The following FMN1 variants were observed in gnomAD, a reference collection of about 807,000 sequenced individuals.
The protein encoded by FMN1 is formin-1.
Under a neutral mutation model 132.4 loss-of-function variants are expected in FMN1, and 110 were observed. That is an observed-to-expected ratio of 0.83 (90% CI 0.71 to 0.97). The LOEUF is 0.97. FMN1 is among the 50% of genes least tolerant of loss of function. The probability of loss-of-function intolerance (pLI) is 0.00; values close to 1 mark genes in which losing one functional copy is unlikely to be tolerated. For missense variants in FMN1, 1,792 were observed against 1,705.3 expected (o/e 1.05, Z -0.90); for synonymous variants, 722 against 651.7 (o/e 1.11, Z -1.64).
intron 4 of FMN1, among the ~76,000 whole-genome samples, chr15:33,122,391 A>C (rs16965264): frequency 6.6e-6 from 1 of 152,212 alleles, no homozygotes; most frequent in Non-Finnish European, 1.5e-5. Flanking sequence ...CAAAAAGTAC[A>C]TGCCTGGTGG....
intron 6 of FMN1, among the ~76,000 whole-genome samples, chr15:33,046,340 G>A (rs2036683496): frequency 6.6e-6 from 1 of 152,156 alleles, no homozygotes; most frequent in Non-Finnish European, 1.5e-5. Context: ...AAGTGCATTT[G>A]AAAATGAGGG....
At chr15:32,897,316 A>G (rs2060183915) in intron 15 of FMN1, among the ~76,000 whole-genome samples, 1 of 152,240 alleles carries the variant, frequency 6.6e-6, no homozygotes, top group South Asian at 2.1e-4. Flanking sequence ...TTTCAGTAAA[A>G]TTACGTGAAT....
At chr15:32,936,436 G>A (rs1165785402) in intron 9 of FMN1, among the ~76,000 whole-genome samples, 2 of 152,166 alleles carry the variant, frequency 1.3e-5, no homozygotes, top group African/African-American at 2.4e-5. Context: ...CTGGACTTAC[G>A]TATGTGAATT....
chr15:32,913,025 T>C (rs2060601618), intron 10 of FMN1, among the ~76,000 whole-genome samples: 2 of 152,076 alleles, frequency 1.3e-5, no homozygotes, highest in African/African-American at 4.8e-5. Flanking sequence ...CTGGAAAGAG[T>C]TAGAGAAAGA....
chr15:32,794,519 T>C (rs2057210794), intron 19 of FMN1, among the ~76,000 whole-genome samples: 1 of 151,794 alleles, frequency 6.6e-6, no homozygotes, highest in South Asian at 2.1e-4. Context: ...TCCTAAATGG[T>C]GGAATGTTTT....
rs142819783 is a variant in FMN1, at chr15:32,910,153, C to T, written c.3288+321G>A. Among the ~76,000 whole-genome samples the T allele has an allele frequency of 1.3e-3, 203 of 152,308 alleles. 1 individual carries two copies. Among genetic ancestry groups the T allele is most frequent in the African/African-American group, 4.5e-3 (185 of 41,572 alleles). ...TTCTTCAGAAGTAGACACCAGTGCA[C>T]GCTATCATTTCAGTAGGCAGCTTAC... is the stretch of plus-strand genomic sequence containing the variant. On this transcript the variant is annotated intron_variant, in intron 11 of 20. Transcript: ENST00000616417.
intron 5 of FMN1, among the ~76,000 whole-genome samples, chr15:33,065,762 AT>A (rs2037696099): frequency 6.6e-6 from 1 of 152,192 alleles, no homozygotes; most frequent in African/African-American, 2.4e-5. Flanking sequence ...AAGAAATTCT[AT>A]TTATTGTTCT....
At chr15:33,112,951 G>A (rs1332364715) in intron 4 of FMN1, among the ~76,000 whole-genome samples, 1 of 152,184 alleles carries the variant, frequency 6.6e-6, no homozygotes, top group Non-Finnish European at 1.5e-5. Flanking sequence ...AAAGGGGAAG[G>A]CAGGGAAAGT....
At chr15:32,950,230 T>C (rs1174232121) in intron 9 of FMN1, among the ~76,000 whole-genome samples, 1 of 150,982 alleles carries the variant, frequency 6.6e-6, no homozygotes, top group African/African-American at 2.4e-5. Context: ...GCTTTTACAC[T>C]GTTGGTGGGA....
chr15:33,085,851 T>C (rs1013511098), intron 5 of FMN1, among the ~76,000 whole-genome samples: 3 of 152,168 alleles, frequency 2.0e-5, no homozygotes, highest in Non-Finnish European at 4.4e-5. Context: ...AGAGAAATAA[T>C]TAAATAAATT....
intron 4 of FMN1, among the ~76,000 whole-genome samples, chr15:33,114,562 C>T (rs1374748327): frequency 1.3e-5 from 2 of 152,138 alleles, no homozygotes; most frequent in African/African-American, 4.8e-5. Context: ...GTTTGTGTAC[C>T]CAAGAACACC....
chr15:32,842,403 C>T (rs2058764164), intron 17 of FMN1, among the ~76,000 whole-genome samples: 1 of 152,146 alleles, frequency 6.6e-6, no homozygotes, highest in Non-Finnish European at 1.5e-5. Flanking sequence ...AAGAACTAGC[C>T]AGTTAAGTCT....
At chr15:32,875,993 A>G (rs983239956) in intron 16 of FMN1, among the ~76,000 whole-genome samples, 4 of 152,018 alleles carry the variant, frequency 2.6e-5, no homozygotes, top group Admixed American at 6.5e-5. Flanking sequence ...TGCCCTACTC[A>G]CTTGGGAGGA....
chr15:33,067,959 T>A, intron 5 of FMN1: 1 of 1,515,852 alleles, frequency 6.6e-7, no homozygotes, highest in Non-Finnish European at 8.7e-7. Flanking sequence ...CCACTCCATC[T>A]GCTCTTAATT....
chr15:33,076,563 T>G (rs998634237), intron 5 of FMN1, among the ~76,000 whole-genome samples: 2 of 152,182 alleles, frequency 1.3e-5, no homozygotes, highest in Non-Finnish European at 2.9e-5. Flanking sequence ...GGAGCATGCA[T>G]GCTGTTCCAA....
rs113101596 is a variant in FMN1, at chr15:32,983,145, C to T, written c.2224-13668G>A. Among the ~76,000 whole-genome samples, 1,039 of 152,112 alleles carry T rather than the reference C, an allele frequency of 6.8e-3. 8 individuals are homozygous for T. Among genetic ancestry groups the T allele is most frequent in the African/African-American group, 0.021 (870 of 41,498 alleles). On this transcript the variant is annotated intron_variant, in intron 7 of 20. Coordinates refer to ENST00000616417, the MANE Select transcript of FMN1 (RefSeq NM_001277313.2). ...TTCAACTGGTGAAAAAATAAAACTGCGGAAAGTGCACCAAGTAGAATCCTA... is the reference window on the plus strand; with the variant it reads ...TTCAACTGGTGAAAAAATAAAACTGTGGAAAGTGCACCAAGTAGAATCCTA...
At chr15:32,882,924 G>A (rs762735166) in intron 16 of FMN1, among the ~76,000 whole-genome samples, 1 of 152,242 alleles carries the variant, frequency 6.6e-6, no homozygotes, top group Non-Finnish European at 1.5e-5. Context: ...CATCGGAGTG[G>A]ACAGATACAT....
intron 4 of FMN1, among the ~76,000 whole-genome samples, chr15:33,124,298 T>C (rs1269825092): frequency 6.6e-6 from 1 of 152,222 alleles, no homozygotes; most frequent in African/African-American, 2.4e-5. Context: ...TTCTGAGACA[T>C]AAAAGTGAGA....
At position 32,778,180 on chromosome 15, in the gene FMN1, ATTTATATATTATATAATACATTTAT is replaced by A. The variant is rs1176644046; in HGVS notation, c.4131-1286_4131-1262del. Among the ~76,000 whole-genome samples, 171 of 84,636 alleles carry A rather than the reference ATTTATATATTATATAATACATTTAT, an allele frequency of 2.0e-3. 9 individuals are homozygous for A. In the South Asian group the frequency reaches 0.037, roughly 18 times the overall value. 55.5% of individuals were successfully genotyped at this position (84,636 alleles called of 152,430 possible). The stretch of plus-strand genomic sequence containing the variant: ...TTATTATATATTATATAATACATTT[ATTTATATATTATATAATACATTTAT>A]TTATATATTATATAATACATTTATT... On this transcript the variant is annotated intron_variant, in intron 19 of 20. Coordinates refer to ENST00000616417, the MANE Select transcript of FMN1 (RefSeq NM_001277313.2).
Sources: allele counts gnomAD v4.1 joint callset (sites outside exome capture counted in the v4.1 genomes callset), GRCh38; gene constraint gnomAD v4.1.1; transcripts MANE v1.5; gene names NCBI Gene and HGNC (gene_info 2026-07-23, HGNC 2026-07-21).